PCSK2: variants seen among roughly 807,000 people sequenced by gnomAD.
The protein encoded by PCSK2 is proprotein convertase subtilisin/kexin type 2.
PCSK2 carries 14 observed loss-of-function variants against 69.7 expected under a neutral mutation model. That is an observed-to-expected ratio of 0.20 (90% CI 0.13 to 0.31). The LOEUF (loss-of-function observed/expected upper bound fraction) is 0.31. PCSK2 is among the 10% of genes least tolerant of loss of function. The pLI, the probability that PCSK2 is intolerant of heterozygous loss-of-function variation, is 1.00. For missense variants in PCSK2, 544 were observed against 842.5 expected (o/e 0.65, Z 4.39); for synonymous variants, 307 against 320.7 (o/e 0.96, Z 0.46).
chr20:17,466,818 C>T (rs1214450199), intron 11 of PCSK2, among the ~76,000 whole-genome samples: 1 of 152,204 alleles, frequency 6.6e-6, no homozygotes, highest in African/African-American at 2.4e-5. Flanking sequence ...TCCAGCTCGT[C>T]CACACGCTCC....
At position 17,358,536 on chromosome 20, in the gene PCSK2, A is replaced by T. The variant is rs1006774940; in HGVS notation, c.396+96A>T. ...CTCATTATTCACTAGGATGTTAGCC[A>T]GTATCCAACCCAGTGACCCTCTCTG... On this transcript the variant is annotated intron_variant, in intron 3 of 11. Coordinates refer to ENST00000262545, the MANE Select transcript of PCSK2 (RefSeq NM_002594.5). 3.3e-4 allele frequency: 241 copies of T among 726,418 alleles called. 1 individual carries two copies. Among genetic ancestry groups the T allele is most frequent in the Non-Finnish European group, 2.9e-4 (120 of 410,320 alleles). The allele number at this position is 726,418 out of a possible 1,614,324, so 45.0% of individuals were successfully genotyped here. A position where few individuals can be genotyped will look rare whatever the true frequency, so the allele number is the denominator to read the frequency against.
At chr20:17,343,614 G>A (rs1444647698) in intron 2 of PCSK2, among the ~76,000 whole-genome samples, 1 of 152,208 alleles carries the variant, frequency 6.6e-6, no homozygotes, top group African/African-American at 2.4e-5. Context: ...TGGGGTTAAG[G>A]TTTTAGACGA....
intron 1 of PCSK2, among the ~76,000 whole-genome samples, chr20:17,255,382 T>A (rs1600414937): frequency 6.6e-6 from 1 of 151,852 alleles, no homozygotes; most frequent in African/African-American, 2.4e-5. Context: ...CGCTCTGTTG[T>A]CCAGGCTGGA....
chr20:17,255,610 G>A (rs1377070705), intron 1 of PCSK2, among the ~76,000 whole-genome samples: 1 of 151,932 alleles, frequency 6.6e-6, no homozygotes, highest in Non-Finnish European at 1.5e-5. Context: ...CAAAGTGCTG[G>A]GATTACAGGC....
intron 2 of PCSK2, among the ~76,000 whole-genome samples, chr20:17,303,221 T>G (rs1294945315): frequency 7.0e-6 from 1 of 143,210 alleles, no homozygotes; most frequent in African/African-American, 2.6e-5. Flanking sequence ...TAACCATACA[T>G]ATCTATTTCA....
rs2033379109 is a variant in PCSK2 at position 17,480,410 on chromosome 20, C to T, written c.1431-1174C>T. Among the ~76,000 whole-genome samples, 3 of 152,006 alleles carry T rather than the reference C, an allele frequency of 2.0e-5. No individual in the cohort carries two copies. In the South Asian group the frequency reaches 6.2e-4, roughly 32 times the overall value. On this transcript the variant is annotated intron_variant, in intron 11 of 11. Transcript: ENST00000262545. ...TTCGCCATGTTAGCCATGATGGTCT[C>T]GATCTCCTGACCTCATGATCCGCCC... is the stretch of plus-strand genomic sequence containing the variant.
At chr20:17,242,843 A>G (rs1986632485) in intron 1 of PCSK2, among the ~76,000 whole-genome samples, 1 of 152,220 alleles carries the variant, frequency 6.6e-6, no homozygotes, top group African/African-American at 2.4e-5. Context: ...TCTCTAGTGA[A>G]ATCATATTTA....
At chr20:17,234,012 C>A (rs1986240781) in intron 1 of PCSK2, among the ~76,000 whole-genome samples, 1 of 152,104 alleles carries the variant, frequency 6.6e-6, no homozygotes. Context: ...GGTCCCTGGT[C>A]CGTGAATTAG....
intron 1 of PCSK2, among the ~76,000 whole-genome samples, chr20:17,233,998 C>G (rs1451646111): frequency 6.6e-6 from 1 of 152,126 alleles, no homozygotes; most frequent in Non-Finnish European, 1.5e-5. Flanking sequence ...ATGAAAGGAG[C>G]CCAGGTCCCT....
intron 1 of PCSK2, among the ~76,000 whole-genome samples, chr20:17,233,637 G>C (rs1226073322): frequency 2.0e-5 from 3 of 152,244 alleles, no homozygotes; most frequent in South Asian, 2.1e-4. Context: ...CCATGAGAAA[G>C]CCCATTCAGG....
intron 5 of PCSK2, among the ~76,000 whole-genome samples, chr20:17,392,370 A>G (rs17715173): frequency 6.6e-6 from 1 of 152,232 alleles, no homozygotes; most frequent in Non-Finnish European, 1.5e-5. Context: ...ATTCCAAAGC[A>G]GTGATTAGAA....
At chr20:17,229,027 A>G (rs1249418560) in intron 1 of PCSK2, among the ~76,000 whole-genome samples, 3 of 150,678 alleles carry the variant, frequency 2.0e-5, no homozygotes, top group Non-Finnish European at 4.4e-5. Context: ...TTCCTTCTTC[A>G]CTCCCCCCCA....
intron 1 of PCSK2, among the ~76,000 whole-genome samples, chr20:17,255,778 T>A (rs955551379): frequency 6.6e-6 from 1 of 152,254 alleles, no homozygotes; most frequent in South Asian, 2.1e-4. Context: ...GATTTTCAGA[T>A]GTTAAAACAA....
chr20:17,289,921 T>G (rs1988642706), intron 2 of PCSK2, among the ~76,000 whole-genome samples: 1 of 152,238 alleles, frequency 6.6e-6, no homozygotes, highest in African/African-American at 2.4e-5. Context: ...TCTTTTGTAC[T>G]CTTTAATGTA....
At chr20:17,297,094 A>G (rs1988919468) in intron 2 of PCSK2, among the ~76,000 whole-genome samples, 3 of 152,240 alleles carry the variant, frequency 2.0e-5, no homozygotes, top group Admixed American at 2.0e-4. Context: ...CTGACGTTTA[A>G]GCAGAGAAGT....
chr20:17,274,077 T>C (rs1306027420), intron 2 of PCSK2, among the ~76,000 whole-genome samples: 1 of 152,126 alleles, frequency 6.6e-6, no homozygotes, highest in Non-Finnish European at 1.5e-5. Flanking sequence ...AGAGACAAAC[T>C]GGATTTGGGG....
At chr20:17,467,732 C>T (rs12625884) in intron 11 of PCSK2, among the ~76,000 whole-genome samples, 2 of 152,066 alleles carry the variant, frequency 1.3e-5, no homozygotes, top group Admixed American at 6.5e-5. Context: ...ACCAGTAAAA[C>T]GGAGCTAATG....
chr20:17,344,873 C>T (rs1444176518), intron 2 of PCSK2, among the ~76,000 whole-genome samples: 1 of 152,046 alleles, frequency 6.6e-6, no homozygotes, highest in Non-Finnish European at 1.5e-5. Flanking sequence ...CTGTTGATTT[C>T]AGTAGCATTT....
At chr20:17,226,280 TGCTGG>T (rs1289118515), upstream of PCSK2, 1 of 152,370 alleles carries the variant, frequency 6.6e-6, no homozygotes, top group African/African-American at 2.4e-5. Context: ...CCGGGTCTCC[TGCTGG>T]GCTTCCCAGC....
Sources: allele counts gnomAD v4.1 joint callset (sites outside exome capture counted in the v4.1 genomes callset), GRCh38; gene constraint gnomAD v4.1.1; transcripts MANE v1.5; gene names NCBI Gene and HGNC (gene_info 2026-07-23, HGNC 2026-07-21).